The following TPD52 variants were observed in gnomAD, a reference collection of about 807,000 sequenced individuals.
TPD52 encodes tumor protein D52.
TPD52 carries 17 observed loss-of-function variants against 31.3 expected under a neutral mutation model. The observed-to-expected ratio is 0.54, with a 90% confidence interval of 0.37 to 0.82. TPD52 has a LOEUF of 0.82. Among genes scored for constraint, TPD52 ranks in the 40% least tolerant of loss-of-function variants. The probability of loss-of-function intolerance (pLI) is 0.00; values close to 1 mark genes in which losing one functional copy is unlikely to be tolerated. For synonymous variants in TPD52, 83 were observed against 89.6 expected (o/e 0.93, Z 0.42); for missense variants, 212 against 240.1 (o/e 0.88, Z 0.77).
chr8:80,075,641 G>C (rs1814452273), intron 1 of TPD52, among the ~76,000 whole-genome samples: 1 of 152,004 alleles, frequency 6.6e-6, no homozygotes, highest in Non-Finnish European at 1.5e-5. Context: ...TCTCCCCACT[G>C]CTCTGCTCCC....
intron 1 of TPD52, among the ~76,000 whole-genome samples, chr8:80,154,195 G>T (rs1042984324): frequency 3.3e-5 from 5 of 152,348 alleles, no homozygotes; most frequent in Non-Finnish European, 7.4e-5. Flanking sequence ...AAGGGTGACT[G>T]CATGGGCAGG....
chr8:80,090,496 G>A (rs1487888639), intron 1 of TPD52, among the ~76,000 whole-genome samples: 1 of 152,346 alleles, frequency 6.6e-6, no homozygotes, highest in East Asian at 1.9e-4. Flanking sequence ...CAGGGATGCT[G>A]TCCCTCACCC....
intron 1 of TPD52, among the ~76,000 whole-genome samples, chr8:80,088,511 G>A (rs1241492030): frequency 6.6e-6 from 1 of 152,126 alleles, no homozygotes; most frequent in African/African-American, 2.4e-5. Flanking sequence ...GCCGTGGGGA[G>A]CCAAGTCGAG....
intron 1 of TPD52, among the ~76,000 whole-genome samples, chr8:80,165,263 G>T (rs1359115947): frequency 6.6e-6 from 1 of 152,202 alleles, no homozygotes; most frequent in Admixed American, 6.5e-5. Context: ...CATGCTGGTG[G>T]AAGTATAACT....
intron 1 of TPD52, among the ~76,000 whole-genome samples, chr8:80,140,672 ATG>A (rs1586380347): frequency 6.6e-6 from 1 of 152,132 alleles, no homozygotes; most frequent in African/African-American, 2.4e-5. Context: ...CAACTCCCAC[ATG>A]TAATCTATTT....
intron 3 of TPD52, 192 bp from the exon 4 acceptor site, chr8:80,051,820 C>A: frequency 1.9e-6 from 1 of 524,724 alleles, no homozygotes; most frequent in South Asian, 2.8e-5. Context: ...ACCCTAAGCT[C>A]AGGCACAATC....
At chr8:80,079,276 C>T (rs1384171146) in intron 1 of TPD52, among the ~76,000 whole-genome samples, 1 of 152,190 alleles carries the variant, frequency 6.6e-6, no homozygotes, top group African/African-American at 2.4e-5. Context: ...CCCCAGCAGA[C>T]ATCAAGCTGC....
chr8:80,127,573 G>A (rs1808704359), intron 1 of TPD52: 1 of 152,118 alleles, frequency 6.6e-6, no homozygotes, highest in Admixed American at 6.5e-5. Flanking sequence ...AAACAGGTGG[G>A]AGTAAAGCCA....
intron 1 of TPD52, among the ~76,000 whole-genome samples, chr8:80,098,888 T>G (rs1806522050): frequency 6.6e-6 from 1 of 152,184 alleles, no homozygotes; most frequent in Non-Finnish European, 1.5e-5. Context: ...GCTACCTCCC[T>G]GATCAGTCAG....
At chr8:80,068,044 T>C (rs914264911) in intron 1 of TPD52, among the ~76,000 whole-genome samples, 1 of 130,496 alleles carries the variant, frequency 7.7e-6, no homozygotes, top group African/African-American at 3.0e-5. Flanking sequence ...AACTTATTTG[T>C]TCATTAATTT....
At chr8:80,050,732 G>C (rs1040169079) in intron 4 of TPD52, among the ~76,000 whole-genome samples, 1 of 152,136 alleles carries the variant, frequency 6.6e-6, no homozygotes, top group African/African-American at 2.4e-5. Context: ...TTGGTGTAAA[G>C]TATAACACAT....
At chr8:80,156,287 G>T (rs1297461593) in intron 1 of TPD52, among the ~76,000 whole-genome samples, 2 of 152,194 alleles carry the variant, frequency 1.3e-5, no homozygotes, top group East Asian at 3.8e-4. Context: ...CTTCTTACAT[G>T]TTCGCTCAGG....
At chr8:80,136,631 A>T (rs139247522) in intron 1 of TPD52, among the ~76,000 whole-genome samples, 1 of 151,858 alleles carries the variant, frequency 6.6e-6, no homozygotes, top group Non-Finnish European at 1.5e-5. Flanking sequence ...TTAAAAAAAC[A>T]CTTGGTCAAA....
At chr8:80,064,391 A>G (rs1812887155) in intron 2 of TPD52, 87 bp downstream of exon 2, 3 of 1,087,900 alleles carry the variant, frequency 2.8e-6, no homozygotes, top group Non-Finnish European at 4.2e-6. Context: ...GGAACTAACT[A>G]TAAACATATC....
At chr8:80,033,310 AG>A (rs1177909036), downstream of TPD52, 3 of 7,960 alleles carry the variant, frequency 3.8e-4, no homozygotes, top group Non-Finnish European at 8.0e-4. Context: ...CGGGGCGGGG[AG>A]GGGGGTTGGG....
chr8:80,148,143 A>AT (rs1434653708), intron 1 of TPD52, among the ~76,000 whole-genome samples: 2 of 128,884 alleles, frequency 1.6e-5, no homozygotes, highest in African/African-American at 6.8e-5. Context: ...AAACTTACAA[A>AT]TTTTCCACTT....
At chr8:80,032,555 G>A (rs967803288), downstream of TPD52, among the ~76,000 whole-genome samples, 3 of 152,208 alleles carry the variant, frequency 2.0e-5, no homozygotes, top group African/African-American at 7.2e-5. Flanking sequence ...GCCAAGGAAA[G>A]TGAACAGAAA....
chr8:80,038,352 G>C (rs960304906), intron 7 of TPD52, 117 bp from the exon 8 acceptor site: 5 of 1,042,394 alleles, frequency 4.8e-6, no homozygotes, highest in Admixed American at 2.3e-5. Flanking sequence ...TTATAGCTCA[G>C]TGATTATTAT....
At chr8:80,080,894 A>G (rs1225960640) in intron 1 of TPD52, 1 of 370,746 alleles carries the variant, frequency 2.7e-6, no homozygotes, top group African/African-American at 2.2e-5. Context: ...TCAGCTGACC[A>G]TGACTACACC....
Sources: allele counts gnomAD v4.1 joint callset (sites outside exome capture counted in the v4.1 genomes callset), GRCh38; gene constraint gnomAD v4.1.1; transcripts MANE v1.5; gene names NCBI Gene and HGNC (gene_info 2026-07-23, HGNC 2026-07-21).